Variants in CNKSR3 observed in about 807,000 individuals in gnomAD.
CNKSR3 encodes connector enhancer of kinase suppressor of ras 3.
In CNKSR3, 36 loss-of-function variants were observed where a neutral mutation model predicts 67.7. The ratio of observed to expected loss-of-function variants is 0.53; its 90% CI spans 0.41 to 0.70. The LOEUF (loss-of-function observed/expected upper bound fraction) is 0.70. CNKSR3 is among the 30% of genes least tolerant of loss of function. The pLI is 0.00. For synonymous variants in CNKSR3, 281 were observed against 271.4 expected (o/e 1.04, Z -0.35); for missense variants, 630 against 695.2 (o/e 0.91, Z 1.05).
intron 9 of CNKSR3, among the ~76,000 whole-genome samples, chr6:154,421,659 T>C (rs145931634): frequency 2.6e-5 from 4 of 152,300 alleles, no homozygotes; most frequent in African/African-American, 9.6e-5. Flanking sequence ...TCAGCGCAGA[T>C]TGGCAATACT....
chr6:154,426,524 A>ATTTTGTATTTT (rs1236521449), intron 7 of CNKSR3, among the ~76,000 whole-genome samples: 11 of 151,576 alleles, frequency 7.3e-5, no homozygotes, highest in African/African-American at 2.4e-4. Flanking sequence ...CCCAGTTAAT[A>ATTTTGTATTTT]TTTTGTATTT....
At chr6:154,411,201 A>C in intron 10 of CNKSR3, 59 bp from the exon 11 acceptor site, 1 of 1,208,756 alleles carries the variant, frequency 8.3e-7, no homozygotes, top group Non-Finnish European at 1.2e-6. Context: ...ATACTGAAGA[A>C]TTCCAGCAGT....
intron 1 of CNKSR3, among the ~76,000 whole-genome samples, chr6:154,502,357 A>G (rs1318446991): frequency 2.8e-5 from 4 of 143,632 alleles, no homozygotes; most frequent in African/African-American, 1.0e-4. Flanking sequence ...ATGCCCAGCT[A>G]ATTTTTTTTT....
Position 154,388,238 on chromosome 6 carries a change from T to A in CNKSR3, c.*18116A>T, listed in dbSNP as rs1584035214. The A allele has an allele frequency of 6.6e-6, 1 of 152,350 alleles. No homozygotes were observed. Among genetic ancestry groups the A allele is most frequent in the South Asian group, 2.1e-4 (1 of 4,820 alleles). 9.4% of individuals were successfully genotyped at this position (152,350 alleles called of 1,614,324 possible). ...TCTATGAAGTTGACTATTTTAAATA[T>A]CCCACATAAATTGAATCCTGCCATA... On this transcript the variant is annotated 3_prime_UTR_variant, in exon 13 of 13. Transcript: ENST00000607772.
At chr6:154,481,939 C>A (rs1786575499) in intron 1 of CNKSR3, among the ~76,000 whole-genome samples, 1 of 152,162 alleles carries the variant, frequency 6.6e-6, no homozygotes, top group South Asian at 2.1e-4. Flanking sequence ...ACAGTTCTAC[C>A]AATCTGTCAT....
intron 1 of CNKSR3, among the ~76,000 whole-genome samples, chr6:154,487,974 A>C (rs1786712657): frequency 6.6e-6 from 1 of 152,246 alleles, no homozygotes; most frequent in African/African-American, 2.4e-5. Flanking sequence ...GAGAAAAAAG[A>C]ATGTTAACTA....
At chr6:154,424,363 T>C (rs116094006) in intron 7 of CNKSR3, among the ~76,000 whole-genome samples, 3,638 of 152,318 alleles carry the variant, frequency 0.024, 70 homozygotes, top group African/African-American at 0.057. Flanking sequence ...AGGTATCTCA[T>C]ATATGACTAA....
At chr6:154,416,161 A>G (rs1315300392) in intron 9 of CNKSR3, among the ~76,000 whole-genome samples, 1 of 152,084 alleles carries the variant, frequency 6.6e-6, no homozygotes, top group Non-Finnish European at 1.5e-5. Flanking sequence ...CTTCAACCCT[A>G]CCCAGCCTGG....
Position 154,466,261 on chromosome 6 carries a change from T to A in CNKSR3, c.53-16003A>T, listed in dbSNP as rs185282124. ...GTAGTTGTCAGCACAGGTCACCATG[T>A]ACCTGTATATCCTAAGGGCTCCAGA... On this transcript the variant is annotated intron_variant, in intron 1 of 12. Coordinates refer to ENST00000607772, the MANE Select transcript of CNKSR3 (RefSeq NM_173515.4). Among the ~76,000 whole-genome samples, 11 of 152,312 alleles carry A rather than the reference T, an allele frequency of 7.2e-5. No individual in the cohort carries two copies. In the East Asian group the frequency reaches 2.1e-3, roughly 29 times the overall value.
At chr6:154,437,381 A>C (rs1785492085) in intron 4 of CNKSR3, among the ~76,000 whole-genome samples, 2 of 150,644 alleles carry the variant, frequency 1.3e-5, no homozygotes, top group Admixed American at 1.3e-4. Context: ...AGATGCACAA[A>C]TATCACCATT....
Position 154,468,898 on chromosome 6 carries a change from G to A in CNKSR3, c.53-18640C>T, listed in dbSNP as rs887773732. Among the ~76,000 whole-genome samples, 4 of 152,182 alleles carry A rather than the reference G, an allele frequency of 2.6e-5. No homozygotes were observed. The East Asian group carries it at 5.8e-4, about 22-fold the overall frequency. ...AGGGTGGGCATAATGGCTCATGCCTGTAATCCCAGCACTTTGGGAGGCTAA... is the reference window on the plus strand; with the variant it reads ...AGGGTGGGCATAATGGCTCATGCCTATAATCCCAGCACTTTGGGAGGCTAA... On this transcript the variant is annotated intron_variant, in intron 1 of 12. Transcript: ENST00000607772.
At chr6:154,508,424 A>G (rs1406766158) in intron 1 of CNKSR3, among the ~76,000 whole-genome samples, 3 of 152,182 alleles carry the variant, frequency 2.0e-5, no homozygotes, top group African/African-American at 7.2e-5. Context: ...CACAAGTGGT[A>G]CTGGTTACTA....
chr6:154,410,464 T>C lies in CNKSR3; in HGVS notation c.1280-32A>G, dbSNP rs540745131. ...AGGGACGAGAAAGAAGGTGACAAGT[T>C]TGATGAGTTCTGGAACTTTAGTGAA... On this transcript the variant is annotated intron_variant, in intron 11 of 12. Transcript: ENST00000607772. 2.0e-4 allele frequency: 296 copies of C among 1,500,238 alleles called. 8 individuals carry two copies. The South Asian group carries it at 2.8e-3, about 14-fold the overall frequency. The allele number at this position is 1,500,238 out of a possible 1,614,324, so 92.9% of individuals were successfully genotyped here. A position where few individuals can be genotyped will look rare whatever the true frequency, so the allele number is the denominator to read the frequency against.
Position 154,414,302 on chromosome 6 carries a change from G to A in CNKSR3, c.1067C>T (p.Pro356Leu). 6.3e-7 allele frequency: 1 copy of A among 1,593,474 alleles called. No individual in the cohort carries two copies. Among genetic ancestry groups the A allele is most frequent in the Non-Finnish European group, 8.5e-7 (1 of 1,172,522 alleles). The change falls in exon 10 of 13, where the codon CCC (proline) becomes CTC (leucine). Residue 356 changes from proline (P) to leucine (L), a missense_variant. By Grantham distance (98) the Pro-to-Leu change is moderately conservative. Around this residue, in one of 3 missense-constraint regions of CNKSR3, gnomAD observed 308 missense variants for 299.6 expected, o/e 1.03. Transcript: ENST00000607772. ...IPPPPAVPYS[P>L]RDENGSFVYG... is the part of the protein sequence containing the mutation. ...ATGACAATGGACAGCAACATACCGG[G>A]GAGAGTAGGGAACAGCAGGCGGAGG... is the stretch of plus-strand genomic sequence containing the variant.
intron 4 of CNKSR3, among the ~76,000 whole-genome samples, chr6:154,438,703 A>T (rs988366890): frequency 6.6e-6 from 1 of 152,190 alleles, no homozygotes; most frequent in African/African-American, 2.4e-5. Context: ...GGAAAAAGAG[A>T]AACAGAAAAT....
chr6:154,481,754 A>G (rs778223419), intron 1 of CNKSR3, among the ~76,000 whole-genome samples: 12 of 152,230 alleles, frequency 7.9e-5, no homozygotes, highest in Admixed American at 2.0e-4. Flanking sequence ...CTGTCACATT[A>G]TCAGGCCAAG....
rs1041780414 is a variant in CNKSR3, at chr6:154,389,497, G to A, written c.*16857C>T. 8 of 152,068 alleles carry A rather than the reference G, an allele frequency of 5.3e-5. No individual in the cohort carries two copies. Among genetic ancestry groups the A allele is most frequent in the African/African-American group, 1.9e-4 (8 of 41,404 alleles). 9.4% of individuals were successfully genotyped at this position (152,068 alleles called of 1,614,324 possible). On this transcript the variant is annotated 3_prime_UTR_variant, in exon 13 of 13. Transcript: ENST00000607772. ...ATACTGTTTTGATTACTGTAGTTTT[G>A]TTATACATTCTGAAATCAAGCAATG...
Position 154,428,163 on chromosome 6 carries a change from C to T in CNKSR3, c.694G>A (p.Asp232Asn), listed in dbSNP as rs1201916675. ...GLGMYIKSTYDGLHVITGTTE... is the reference protein window; with the variant it reads ...GLGMYIKSTYNGLHVITGTTE... ...GTTCCAGTAATCACGTGTAACCCAT[C>T]ATAGGTTGATTTGATGTACATGCCC... The change falls in exon 7 of 13, where the codon GAT (aspartate) becomes AAT (asparagine). Residue 232 changes from aspartate to asparagine, a missense_variant. Physicochemically the swap from Asp to Asn is conservative, Grantham distance 23 (BLOSUM62 1). Transcript: ENST00000607772. 3.1e-6 allele frequency: 5 copies of T among 1,610,542 alleles called. No individual in the cohort carries two copies. In the South Asian group the frequency reaches 5.5e-5, roughly 18 times the overall value.
intron 1 of CNKSR3, chr6:154,478,638 T>G (rs1452630665): frequency 6.6e-6 from 1 of 152,250 alleles, no homozygotes; most frequent in African/African-American, 2.4e-5. Context: ...CTTTTTACAA[T>G]GCCATCTTTG....
Sources: allele counts gnomAD v4.1 joint callset (sites outside exome capture counted in the v4.1 genomes callset), GRCh38; gene constraint gnomAD v4.1.1; regional missense constraint gnomAD v4.1.1; transcripts MANE v1.5; gene names NCBI Gene and HGNC (gene_info 2026-07-23, HGNC 2026-07-21).